PTPN13: variants seen among roughly 807,000 people sequenced by gnomAD.
PTPN13 encodes protein tyrosine phosphatase non-receptor type 13, also known as tyrosine-protein phosphatase non-receptor type 13.
PTPN13 carries 191 observed loss-of-function variants against 284.0 expected under a neutral mutation model. The observed-to-expected ratio is 0.67, with a 90% CI of 0.60 to 0.76. The LOEUF (loss-of-function observed/expected upper bound fraction) is 0.76, where lower values mean the gene tolerates loss of function less well. PTPN13 is among the 30% of genes least tolerant of loss of function. The pLI, the probability that PTPN13 is intolerant of heterozygous loss-of-function variation, is 0.00. For missense variants in PTPN13, 2,797 were observed against 2,939.9 expected (o/e 0.95, Z 1.12); for synonymous variants, 986 against 1,022.3 (o/e 0.96, Z 0.68).
At chr4:86,671,562 G>T (rs1310131364) in intron 2 of PTPN13, among the ~76,000 whole-genome samples, 2 of 152,056 alleles carry the variant, frequency 1.3e-5, no homozygotes, top group African/African-American at 2.4e-5. Flanking sequence ...GAGGCCTACT[G>T]GTGTCTAGGG....
Position 86,775,506 on chromosome 4 carries a change from A to G in PTPN13, c.5745A>G (p.Pro1915=), listed in dbSNP as rs1409770828. 1 of 1,612,326 alleles carries G rather than the reference A, an allele frequency of 6.2e-7. No individual in the cohort carries two copies. The highest frequency in any genetic ancestry group is 8.5e-7 in the Non-Finnish European group (1 of 1,178,602). The change falls in exon 35 of 48, where the codon CCA becomes CCG. Residue 1915 remains proline, a synonymous_variant. Coordinates refer to ENST00000411767, the MANE Select transcript of PTPN13 (RefSeq NM_080683.3). The part of the protein sequence containing the change: ...YQVVYISDIN[P]RSVAAIEGNL... Reference sequence around the variant, plus strand: ...TGGTATATATTAGTGATATTAATCCAAGGTCCGTCGCAGCCATTGAGGGTA... The same window carrying G: ...TGGTATATATTAGTGATATTAATCCGAGGTCCGTCGCAGCCATTGAGGGTA...
At chr4:86,741,218 C>G (rs1736132151) in intron 15 of PTPN13, among the ~76,000 whole-genome samples, 1 of 152,160 alleles carries the variant, frequency 6.6e-6, no homozygotes, top group Admixed American at 6.5e-5. Flanking sequence ...TGGTACCAAT[C>G]TACTGTATTA....
intron 44 of PTPN13, 98 bp from the exon 45 acceptor site, chr4:86,807,460 CTA>C: frequency 2.3e-6 from 2 of 861,070 alleles, no homozygotes; most frequent in African/African-American, 1.7e-5. Context: ...TCATCTGTGA[CTA>C]TGAGAATTTC....
Position 86,750,635 on chromosome 4 carries a change from A to T in PTPN13, c.2816A>T (p.Glu939Val), listed in dbSNP as rs1737279862. 6.2e-7 allele frequency: 1 copy of T among 1,613,852 alleles called. No individual in the cohort carries two copies. Among genetic ancestry groups the T allele is most frequent in the Non-Finnish European group, 8.5e-7 (1 of 1,179,884 alleles). Reference protein sequence around the residue: ...AEILKRLSCSELSLYQPLQNS... With the variant: ...AEILKRLSCSVLSLYQPLQNS... ...ATTCTGAAGAGGCTATCCTGCTCAGAGCTGTCGCTTTACCAGCCATTGCAA... is the reference window on the plus strand; with the variant it reads ...ATTCTGAAGAGGCTATCCTGCTCAGTGCTGTCGCTTTACCAGCCATTGCAA... The change falls in exon 18 of 48, where the codon GAG becomes GTG. Residue 939 changes from glutamate to valine, a missense_variant. Glu to Val is a moderately radical substitution (Grantham distance 121). Transcript: ENST00000411767.
intron 2 of PTPN13, among the ~76,000 whole-genome samples, chr4:86,658,194 G>A (rs1726077408): frequency 6.6e-6 from 1 of 152,170 alleles, no homozygotes; most frequent in Non-Finnish European, 1.5e-5. Flanking sequence ...GGCATTGACG[G>A]AATTCCTACC....
intron 1 of PTPN13, among the ~76,000 whole-genome samples, chr4:86,599,143 T>C (rs74383993): frequency 0.046 from 7,059 of 152,274 alleles, 220 homozygotes; most frequent in African/African-American, 0.06. Flanking sequence ...CCCTGGCATC[T>C]GTATTTTTAG....
intron 3 of PTPN13, among the ~76,000 whole-genome samples, chr4:86,683,978 C>A (rs1425652827): frequency 6.6e-6 from 1 of 151,886 alleles, no homozygotes; most frequent in Non-Finnish European, 1.5e-5. Flanking sequence ...AAATATGATA[C>A]AAATAGTCTG....
At chr4:86,642,814 T>C (rs1470984661) in intron 2 of PTPN13, among the ~76,000 whole-genome samples, 1 of 152,076 alleles carries the variant, frequency 6.6e-6, no homozygotes, top group Non-Finnish European at 1.5e-5. Context: ...ATATATACAT[T>C]TAAGATTTTA....
chr4:86,604,487 G>T (rs1015676111), intron 1 of PTPN13, among the ~76,000 whole-genome samples: 1 of 151,874 alleles, frequency 6.6e-6, no homozygotes, highest in African/African-American at 2.4e-5. Flanking sequence ...GTTTGATTAG[G>T]CCACTGCTAT....
At position 86,693,653 on chromosome 4, in the gene PTPN13, C is replaced by A. The variant is rs186020559; in HGVS notation, c.613C>A (p.Arg205=). 7.7e-6 allele frequency: 12 copies of A among 1,551,754 alleles called. No homozygotes were observed. The highest frequency in any genetic ancestry group is 1.2e-5 in the South Asian group (1 of 83,422). The change falls in exon 6 of 48, where the codon CGA becomes AGA. Residue 205 remains arginine (R), a synonymous_variant. Transcript: ENST00000411767. The part of the protein sequence containing the change: ...DRSQAIRDRL[R]GKGLPTGRSS... The stretch of plus-strand genomic sequence containing the variant: ...AAGCCAGGCTATTCGAGATCGATTG[C>A]GAGGAAAAGGATTACCAACAGGTAA...
intron 47 of PTPN13, among the ~76,000 whole-genome samples, chr4:86,812,545 C>T (rs1341229465): frequency 1.3e-5 from 2 of 151,864 alleles, no homozygotes; most frequent in East Asian, 1.9e-4. Flanking sequence ...ATTGGGGGTA[C>T]GATTTTAAAC....
At position 86,799,214 on chromosome 4, in the gene PTPN13, T is replaced by A; in HGVS notation, c.6505+10T>A. 1 of 1,472,732 alleles carries A rather than the reference T, an allele frequency of 6.8e-7. No individual in the cohort carries two copies. Among genetic ancestry groups the A allele is most frequent in the Non-Finnish European group, 9.2e-7 (1 of 1,091,724 alleles). The allele number at this position is 1,472,732 out of a possible 1,614,324, so 91.2% of individuals were successfully genotyped here. On this transcript the variant is annotated intron_variant, in intron 42 of 47. Coordinates refer to ENST00000411767, the MANE Select transcript of PTPN13 (RefSeq NM_080683.3). ...GAAGATTCTGATAAAGGCAAGAATT[T>A]TAATGACAGTTTTTTCCTCAAAAAT...
At chr4:86,660,100 G>A (rs1343906453) in intron 2 of PTPN13, among the ~76,000 whole-genome samples, 1 of 152,184 alleles carries the variant, frequency 6.6e-6, no homozygotes, top group Non-Finnish European at 1.5e-5. Flanking sequence ...ATCAATGGCT[G>A]TATAAAACAT....
chr4:86,599,459 A>G (rs1179477630), intron 1 of PTPN13, among the ~76,000 whole-genome samples: 1 of 152,068 alleles, frequency 6.6e-6, no homozygotes, highest in East Asian at 1.9e-4. Context: ...GTAAATTTAT[A>G]TTTTAATTAA....
intron 5 of PTPN13, 138 bp downstream of exon 5, chr4:86,689,328 T>C (rs1455141133): frequency 4.3e-6 from 3 of 690,624 alleles, no homozygotes; most frequent in Non-Finnish European, 4.7e-6. Flanking sequence ...CTTCTTCTAA[T>C]ATAAATTGTT....
At chr4:86,793,510 G>A (rs1178938382) in intron 40 of PTPN13, among the ~76,000 whole-genome samples, 1 of 152,170 alleles carries the variant, frequency 6.6e-6, no homozygotes, top group African/African-American at 2.4e-5. Flanking sequence ...GGACGTAATA[G>A]ATATTTACAG....
intron 10 of PTPN13, among the ~76,000 whole-genome samples, chr4:86,724,652 G>T (rs1396904216): frequency 6.6e-6 from 1 of 152,134 alleles, no homozygotes. Context: ...GCTGAAAAGG[G>T]TAATGGGGTT....
At chr4:86,792,059 C>A (rs1742740072) in intron 40 of PTPN13, among the ~76,000 whole-genome samples, 1 of 151,946 alleles carries the variant, frequency 6.6e-6, no homozygotes. Flanking sequence ...CAAACTTTCC[C>A]AGGCAAAAGG....
At chr4:86,702,663 T>C (rs898214565) in intron 7 of PTPN13, among the ~76,000 whole-genome samples, 1 of 152,148 alleles carries the variant, frequency 6.6e-6, no homozygotes, top group African/African-American at 2.4e-5. Flanking sequence ...CCAAGACATA[T>C]GGATAGAGGC....
Sources: allele counts gnomAD v4.1 joint callset (sites outside exome capture counted in the v4.1 genomes callset), GRCh38; gene constraint gnomAD v4.1.1; transcripts MANE v1.5; gene names NCBI Gene and HGNC (gene_info 2026-07-23, HGNC 2026-07-21).